The following EML5 variants were observed in gnomAD, a reference collection of about 807,000 sequenced individuals.
EML5 encodes EMAP like 5.
Under a neutral mutation model 250.0 loss-of-function variants are expected in EML5, and 120 were observed. The observed-to-expected ratio is 0.48, with a 90% CI of 0.41 to 0.56. The LOEUF is 0.56. Ranked by LOEUF, EML5 falls within the 20% of genes least tolerant of loss-of-function variation. The pLI is 0.00. For missense variants in EML5, 2,006 were observed against 2,437.6 expected (o/e 0.82, Z 3.73); for synonymous variants, 771 against 806.5 (o/e 0.96, Z 0.75).
intron 8 of EML5, among the ~76,000 whole-genome samples, chr14:88,722,672 C>A (rs1027225505): frequency 1.3e-5 from 2 of 151,936 alleles, no homozygotes; most frequent in Admixed American, 1.3e-4. Flanking sequence ...TGAGCTCAAA[C>A]CATTTATGCC....
intron 1 of EML5, among the ~76,000 whole-genome samples, chr14:88,766,827 T>C (rs1224790947): frequency 6.6e-6 from 1 of 152,134 alleles, no homozygotes; most frequent in Non-Finnish European, 1.5e-5. Flanking sequence ...AAAATTTCTC[T>C]CTTTTGTACT....
chr14:88,612,450 AATAAC>A lies in EML5; in HGVS notation c.*3363_*3367del, dbSNP rs2086926579. 2.6e-5 allele frequency: 4 copies of A among 152,352 alleles called. No homozygotes were observed. Among genetic ancestry groups the A allele is most frequent in the Admixed American group, 2.6e-4 (4 of 15,300 alleles). The allele number at this position is 152,352 out of a possible 1,614,324, so 9.4% of individuals were successfully genotyped here. A position where few individuals can be genotyped will look rare whatever the true frequency, so the allele number is the denominator to read the frequency against. ...GTTCTATACAGTGCTCTCATTTACTAATAACATAATGCCTTCTAAATAATTTTTTT... is the reference window on the plus strand; with the variant it reads ...GTTCTATACAGTGCTCTCATTTACTAATAATGCCTTCTAAATAATTTTTTT... On this transcript the variant is annotated 3_prime_UTR_variant, in exon 44 of 44. Coordinates refer to ENST00000554922, the MANE Select transcript of EML5 (RefSeq NM_183387.3).
intron 32 of EML5, among the ~76,000 whole-genome samples, chr14:88,637,738 T>G (rs956321428): frequency 6.6e-6 from 1 of 152,160 alleles, no homozygotes; most frequent in Non-Finnish European, 1.5e-5. Context: ...TTAGGTAACA[T>G]AGTTTCTTCA....
At chr14:88,727,912 C>A (rs780061811) in intron 7 of EML5, among the ~76,000 whole-genome samples, 1 of 152,006 alleles carries the variant, frequency 6.6e-6, no homozygotes, top group Non-Finnish European at 1.5e-5. Flanking sequence ...CTAGAAGATA[C>A]CCATTGTTTG....
chr14:88,650,027 C>A, intron 27 of EML5, 101 bp from the exon 28 acceptor site: 1 of 769,296 alleles, frequency 1.3e-6, no homozygotes, highest in African/African-American at 1.8e-5. Context: ...AACATGTCAA[C>A]AGAATTTTAA....
At chr14:88,678,047 C>T (rs185599667) in intron 21 of EML5, among the ~76,000 whole-genome samples, 5 of 152,218 alleles carry the variant, frequency 3.3e-5, no homozygotes, top group East Asian at 3.9e-4. Context: ...AACTCAAATG[C>T]CCATCGATAT....
intron 1 of EML5, among the ~76,000 whole-genome samples, chr14:88,790,872 A>G (rs2140899266): frequency 6.6e-6 from 1 of 152,334 alleles, no homozygotes; most frequent in Admixed American, 6.5e-5. Context: ...TCCATCAGCA[A>G]TTTGGGCTAT....
intron 29 of EML5, among the ~76,000 whole-genome samples, chr14:88,645,058 AC>A (rs1264540816): frequency 9.1e-5 from 6 of 65,874 alleles, no homozygotes; most frequent in Non-Finnish European, 3.2e-4. Context: ...ACCAAGTTTC[AC>A]TTTGTCACCC....
intron 1 of EML5, among the ~76,000 whole-genome samples, chr14:88,779,471 A>AT (rs987299784): frequency 6.6e-6 from 1 of 152,186 alleles, no homozygotes; most frequent in African/African-American, 2.4e-5. Context: ...CACGTCTTTC[A>AT]TTTACATCAT....
In EML5 at chr14:88,621,158, A is replaced by G; in HGVS notation, c.5157T>C (p.Ser1719=). 1 of 1,613,956 alleles carries G rather than the reference A, an allele frequency of 6.2e-7. No homozygotes were observed. The highest frequency in any genetic ancestry group is 1.1e-5 in the South Asian group (1 of 91,076). Residue 1719 remains serine (S), a synonymous_variant, in exon 38 of 44, where the codon TCT becomes TCC. Transcript: ENST00000554922. ...ATHPSRDFFL[S]AAEDGTVRLW... is the part of the protein sequence containing the mutation. The stretch of plus-strand genomic sequence containing the variant: ...GTCTCACTGTCCCATCTTCTGCAGC[A>G]GAAAGGAAAAAATCCCTGGAAGGAT...
intron 7 of EML5, among the ~76,000 whole-genome samples, chr14:88,734,994 T>C (rs1595716743): frequency 6.6e-6 from 1 of 152,132 alleles, no homozygotes; most frequent in East Asian, 1.9e-4. Flanking sequence ...ACTAGCTAGA[T>C]ACAGAACACT....
At chr14:88,618,602 T>C (rs2088187349) in intron 40 of EML5, 48 bp downstream of exon 40, 1 of 1,567,434 alleles carries the variant, frequency 6.4e-7, no homozygotes, top group African/African-American at 1.4e-5. Flanking sequence ...ACACGAAATG[T>C]AAAAGCAGAA....
intron 35 of EML5, 124 bp from the exon 36 acceptor site, chr14:88,625,251 T>A: frequency 8.8e-7 from 1 of 1,139,070 alleles, no homozygotes; most frequent in East Asian, 2.6e-5. Flanking sequence ...CATCGTGTAG[T>A]GGCAGCAGCA....
At chr14:88,694,172 T>G in intron 17 of EML5, 135 bp downstream of exon 17, 2 of 633,742 alleles carry the variant, frequency 3.2e-6, no homozygotes, top group Non-Finnish European at 5.5e-6. Flanking sequence ...TCATTCAGAT[T>G]TCATCAGTTT....
At chr14:88,671,546 T>C in intron 21 of EML5, among the ~76,000 whole-genome samples, 1 of 152,158 alleles carries the variant, frequency 6.6e-6, no homozygotes, top group East Asian at 1.9e-4. Flanking sequence ...AATTCACACA[T>C]AACAATATTA....
chr14:88,710,424 T>C (rs949770445), intron 10 of EML5, among the ~76,000 whole-genome samples: 2 of 152,200 alleles, frequency 1.3e-5, no homozygotes, highest in Admixed American at 1.3e-4. Flanking sequence ...TGAGTGGATA[T>C]CTAAAATATA....
Position 88,665,367 on chromosome 14 carries a change from C to T in EML5, c.3247G>A (p.Asp1083Asn). 1 of 1,613,284 alleles carries T rather than the reference C, an allele frequency of 6.2e-7. No individual in the cohort carries two copies. Among genetic ancestry groups the T allele is most frequent in the African/African-American group, 1.3e-5 (1 of 75,052 alleles). Residue 1083 changes from aspartate to asparagine, a missense_variant, in exon 22 of 44, where the codon GAT becomes AAT. Asp to Asn is a conservative substitution (Grantham distance 23). Transcript: ENST00000554922. ...EDLVSFHHRK[D>N]MISDIRFSPG... ...GAAAATCGAATATCTGAAATCATATCTTTTCTGTGATGAAAAGACACAAGA... is the reference window on the plus strand; with the variant it reads ...GAAAATCGAATATCTGAAATCATATTTTTTCTGTGATGAAAAGACACAAGA...
rs550722970 is a variant in EML5 at position 88,705,615 on chromosome 14, C to T, written c.1826-27G>A. On this transcript the variant is annotated intron_variant, in intron 11 of 43. Transcript: ENST00000554922. ...TGTAATTTTTAAAAATGAAATGTTACTTGTTTAAAGAAGATTCATTTTCAA... is the reference window on the plus strand; with the variant it reads ...TGTAATTTTTAAAAATGAAATGTTATTTGTTTAAAGAAGATTCATTTTCAA... 1.9e-4 allele frequency: 277 copies of T among 1,494,684 alleles called. 5 individuals carry two copies. In the South Asian group the frequency reaches 3.2e-3, roughly 17 times the overall value. 92.6% of individuals were successfully genotyped at this position (1,494,684 alleles called of 1,614,324 possible). A position where few individuals can be genotyped will look rare whatever the true frequency, so the allele number is the denominator to read the frequency against.
intron 29 of EML5, among the ~76,000 whole-genome samples, chr14:88,645,373 C>T (rs1002226183): frequency 2.0e-5 from 3 of 152,080 alleles, no homozygotes; most frequent in Non-Finnish European, 4.4e-5. Flanking sequence ...AATAACAGCA[C>T]AAGAGTAGAT....
Sources: gnomAD v4.1 joint callset for allele counts (sites outside exome capture counted in the v4.1 genomes callset) on GRCh38, gnomAD v4.1.1 for gene constraint, MANE v1.5 for transcripts, NCBI Gene and HGNC (gene_info 2026-07-23, HGNC 2026-07-21) for gene names.